The following GPC5 variants were observed in gnomAD, a reference collection of about 807,000 sequenced individuals.
GPC5 encodes glypican-5.
GPC5 carries 47 observed loss-of-function variants against 53.9 expected under a neutral mutation model. The observed-to-expected ratio is 0.87, with a 90% CI of 0.69 to 1.11. The LOEUF (loss-of-function observed/expected upper bound fraction) is 1.11. GPC5 is among the 50% of genes most tolerant of loss of function. GPC5 has a pLI of 0.00. For synonymous variants in GPC5, 286 were observed against 263.3 expected (o/e 1.09, Z -0.84); for missense variants, 748 against 713.1 (o/e 1.05, Z -0.56).
At chr13:91,667,735 T>A (rs188568113) in intron 2 of GPC5, among the ~76,000 whole-genome samples, 2 of 152,046 alleles carry the variant, frequency 1.3e-5, no homozygotes, top group Admixed American at 1.3e-4. Flanking sequence ...GGTGGGAGAG[T>A]ATGCCTGGAA....
At chr13:92,290,400 T>C (rs569926235) in intron 7 of GPC5, among the ~76,000 whole-genome samples, 1 of 152,258 alleles carries the variant, frequency 6.6e-6, no homozygotes, top group African/African-American at 2.4e-5. Context: ...GTAAGTTCTT[T>C]AGTGGTGATT....
At chr13:91,855,035 G>A (rs1338223759) in intron 5 of GPC5, among the ~76,000 whole-genome samples, 1 of 151,680 alleles carries the variant, frequency 6.6e-6, no homozygotes, top group Admixed American at 6.6e-5. Context: ...TATACCAATT[G>A]ATGGTAATTA....
At chr13:92,216,243 A>G (rs752618271) in intron 7 of GPC5, among the ~76,000 whole-genome samples, 10 of 152,332 alleles carry the variant, frequency 6.6e-5, no homozygotes, top group Non-Finnish European at 8.8e-5. Flanking sequence ...TTAAAAATAG[A>G]GTAATCGTTG....
chr13:92,280,613 T>C (rs553997639), intron 7 of GPC5, among the ~76,000 whole-genome samples: 17 of 152,230 alleles, frequency 1.1e-4, no homozygotes, highest in Admixed American at 2.6e-4. Context: ...AAAAATTTAT[T>C]TGCTGAATTC....
At chr13:92,269,188 A>G (rs2042823127) in intron 7 of GPC5, among the ~76,000 whole-genome samples, 1 of 152,038 alleles carries the variant, frequency 6.6e-6, no homozygotes, top group Non-Finnish European at 1.5e-5. Flanking sequence ...TTTCTTATAT[A>G]ATGCTTGGAT....
chr13:92,229,791 A>G (rs1000057084), intron 7 of GPC5, among the ~76,000 whole-genome samples: 8 of 152,096 alleles, frequency 5.3e-5, no homozygotes, highest in African/African-American at 1.9e-4. Flanking sequence ...CATAAATAGT[A>G]GAGATATTTC....
chr13:91,768,290 C>G (rs2037561006), intron 5 of GPC5, among the ~76,000 whole-genome samples: 1 of 152,210 alleles, frequency 6.6e-6, no homozygotes, highest in East Asian at 1.9e-4. Flanking sequence ...CCAAATCCTT[C>G]TTTTCTGATG....
chr13:91,626,940 A>G (rs1011389843), intron 2 of GPC5, among the ~76,000 whole-genome samples: 1 of 147,546 alleles, frequency 6.8e-6, no homozygotes, highest in African/African-American at 2.5e-5. Flanking sequence ...TGTCCTTGCG[A>G]TAGTCTGCTC....
chr13:91,626,642 C>CTTATT (rs1413490230), intron 2 of GPC5, among the ~76,000 whole-genome samples: 1 of 151,722 alleles, frequency 6.6e-6, no homozygotes, highest in Non-Finnish European at 1.5e-5. Context: ...GATTGAGGAG[C>CTTATT]TTATTTTATT....
chr13:92,300,432 G>C (rs1444151572), intron 7 of GPC5, among the ~76,000 whole-genome samples: 4 of 152,262 alleles, frequency 2.6e-5, no homozygotes, highest in South Asian at 4.1e-4. Flanking sequence ...TAGGCCTAGA[G>C]TGGACCCCAA....
intron 7 of GPC5, among the ~76,000 whole-genome samples, chr13:92,184,804 A>G (rs2042172580): frequency 6.6e-6 from 1 of 152,130 alleles, no homozygotes; most frequent in South Asian, 2.1e-4. Flanking sequence ...CTATATCTTT[A>G]TTCTTTTTCT....
At chr13:91,982,799 C>G (rs1346246525) in intron 6 of GPC5, among the ~76,000 whole-genome samples, 1 of 152,028 alleles carries the variant, frequency 6.6e-6, no homozygotes, top group Non-Finnish European at 1.5e-5. Context: ...AATTGACATC[C>G]TAGGTAGTTT....
chr13:92,689,198 T>G (rs1249760343), intron 7 of GPC5, among the ~76,000 whole-genome samples: 13 of 60,214 alleles, frequency 2.2e-4, no homozygotes, highest in African/African-American at 4.9e-4. Flanking sequence ...TGTGTGGGAG[T>G]CTAAGTCTCT....
rs556804213 is a variant in GPC5 at position 92,816,438 on chromosome 13, G to T, written c.1562-49844G>T. On this transcript the variant is annotated intron_variant, in intron 7 of 7. Transcript: ENST00000377067. ...GAAAAGAGGAAAACTAGCACTAAGG[G>T]GTTTTGAGATTTGTTAGTTGCCTGG... 1.3e-4 allele frequency among the ~76,000 whole-genome samples: 20 copies of T among 152,080 alleles called. No homozygotes were observed. In the South Asian group the frequency reaches 4.1e-3, roughly 32 times the overall value.
At chr13:92,632,631 C>T (rs149562110) in intron 7 of GPC5, among the ~76,000 whole-genome samples, 3 of 151,788 alleles carry the variant, frequency 2.0e-5, no homozygotes, top group Non-Finnish European at 4.4e-5. Flanking sequence ...GTATTTATAT[C>T]AGATAAAATA....
intron 6 of GPC5, among the ~76,000 whole-genome samples, chr13:92,098,958 CTTTTT>C (rs10633643): frequency 7.0e-6 from 1 of 143,144 alleles, no homozygotes; most frequent in African/African-American, 2.6e-5. Flanking sequence ...TTGTTCTTGC[CTTTTT>C]TTTTTTTTGT....
intron 6 of GPC5, among the ~76,000 whole-genome samples, chr13:91,988,890 C>T (rs543010909): frequency 1.3e-5 from 2 of 152,036 alleles, no homozygotes; most frequent in African/African-American, 4.8e-5. Context: ...AATAGTCTCA[C>T]ATTGATTATC....
chr13:92,126,170 G>C (rs9516015), intron 6 of GPC5, among the ~76,000 whole-genome samples: 6,197 of 151,860 alleles, frequency 0.041, 172 homozygotes, highest in Non-Finnish European at 0.06. Context: ...GGTCAGGCTG[G>C]TCTTGAACTC....
At chr13:92,054,032 C>CAAATAAATAAATAAATAAAT (rs56703718) in intron 6 of GPC5, among the ~76,000 whole-genome samples, 6 of 142,478 alleles carry the variant, frequency 4.2e-5, no homozygotes, top group Non-Finnish European at 6.1e-5. Context: ...AATTCCATTT[C>CAAATAAATAAATAAATAAAT]AAATAAATAA....
Sources: gnomAD v4.1 joint callset for allele counts (sites outside exome capture counted in the v4.1 genomes callset) on GRCh38, gnomAD v4.1.1 for gene constraint, MANE v1.5 for transcripts, NCBI Gene and HGNC (gene_info 2026-07-23, HGNC 2026-07-21) for gene names.